IBTK: variants seen among roughly 807,000 people sequenced by gnomAD.
IBTK encodes the protein BTK-binding protein.
Under a neutral mutation model 154.9 loss-of-function variants are expected in IBTK, and 83 were observed. The ratio of observed to expected loss-of-function variants is 0.54; its 90% CI spans 0.45 to 0.64. The LOEUF (loss-of-function observed/expected upper bound fraction) is 0.64, where lower values mean the gene tolerates loss of function less well. Ranked by LOEUF, IBTK falls within the 30% of genes least tolerant of loss-of-function variation. The pLI is 0.00. For synonymous variants in IBTK, 515 were observed against 536.1 expected, an observed-to-expected ratio of 0.96 and a Z score of 0.54; for missense variants, 1,332 against 1,584.6, an observed-to-expected ratio of 0.84 and a Z score of 2.71.
At chr6:82,196,507 C>A (rs972838190) in intron 21 of IBTK, 61 bp from the exon 22 acceptor site, 1 of 943,984 alleles carries the variant, frequency 1.1e-6, no homozygotes, top group Non-Finnish European at 1.5e-6. Context: ...GCATTACATT[C>A]CATGAACCAG....
At chr6:82,234,771 C>T (rs1332217841) in intron 2 of IBTK, among the ~76,000 whole-genome samples, 2 of 152,120 alleles carry the variant, frequency 1.3e-5, no homozygotes, top group Non-Finnish European at 2.9e-5. Flanking sequence ...TAAGAAAAAT[C>T]ACATATCCGA....
intron 4 of IBTK, among the ~76,000 whole-genome samples, chr6:82,228,975 T>C (rs1009596108): frequency 1.6e-4 from 25 of 152,298 alleles, no homozygotes; most frequent in Non-Finnish European, 2.6e-4. Flanking sequence ...CTTTTAATTA[T>C]CTGGAATATA....
At chr6:82,176,028 TCAAAAAAAAAAAAAGATTTTTGTTCAAAC>T (rs1768100623) in intron 26 of IBTK, among the ~76,000 whole-genome samples, 1 of 145,906 alleles carries the variant, frequency 6.9e-6, no homozygotes, top group African/African-American at 2.5e-5. Flanking sequence ...AAACTCCATC[TCAAAAAAAAAAAAAGATTTTTGTTCAAAC>T]CAAAAAACAT....
chr6:82,216,882 T>C (rs1769895767), intron 10 of IBTK, among the ~76,000 whole-genome samples: 1 of 152,128 alleles, frequency 6.6e-6, no homozygotes, highest in Non-Finnish European at 1.5e-5. Flanking sequence ...GTAAAGGATA[T>C]AGTGCTTCCA....
chr6:82,214,232 A>G lies in IBTK; in HGVS notation c.2199T>C (p.Ser733=). The part of the protein sequence containing the change: ...VAKKFDFSNL[S]SRLDGVRFEN... ...ATATAAAAGAGAAATCATACCTACT[A>G]CTCAAATTACTGAAGTCGAATTTCT... Residue 733 remains serine, a synonymous_variant, in exon 12 of 29, where the codon AGT becomes AGC. Coordinates refer to ENST00000306270, the MANE Select transcript of IBTK (RefSeq NM_015525.4). The G allele has an allele frequency of 6.2e-7, 1 of 1,609,120 alleles. No individual in the cohort carries two copies. Among genetic ancestry groups the G allele is most frequent in the Non-Finnish European group, 8.5e-7 (1 of 1,178,284 alleles).
chr6:82,240,133 T>G, intron 2 of IBTK, 33 bp downstream of exon 2: 1 of 1,533,812 alleles, frequency 6.5e-7, no homozygotes, highest in East Asian at 2.3e-5. Context: ...TATTCCAGAC[T>G]AAATACGTTT....
chr6:82,208,899 C>A (rs1474122921), intron 16 of IBTK, among the ~76,000 whole-genome samples: 1 of 151,506 alleles, frequency 6.6e-6, no homozygotes, highest in African/African-American at 2.4e-5. Context: ...TATAAAAAAA[C>A]AAATAATTGA....
intron 26 of IBTK, among the ~76,000 whole-genome samples, chr6:82,175,851 G>T (rs965481988): frequency 2.0e-5 from 3 of 151,660 alleles, no homozygotes; most frequent in African/African-American, 7.3e-5. Context: ...CCAACATGGA[G>T]AAATCCCATC....
At chr6:82,221,033 A>G (rs1168585122) in intron 8 of IBTK, among the ~76,000 whole-genome samples, 1 of 151,606 alleles carries the variant, frequency 6.6e-6, no homozygotes, top group Admixed American at 6.6e-5. Context: ...TGGAGTTTAA[A>G]TAACTGGTAT....
chr6:82,187,608 C>T (rs888522228), intron 25 of IBTK, among the ~76,000 whole-genome samples: 9 of 139,518 alleles, frequency 6.5e-5, no homozygotes, highest in Non-Finnish European at 9.9e-5. Context: ...CTGATGTCGC[C>T]GAGTGGACAA....
intron 16 of IBTK, chr6:82,210,327 CTT>C (rs58576687): frequency 3.4e-4 from 48 of 139,714 alleles, no homozygotes; most frequent in Non-Finnish European, 4.4e-4. Flanking sequence ...CCTACAATTC[CTT>C]TTTTTTTTTT....
chr6:82,184,537 C>T (rs983494024), intron 25 of IBTK, among the ~76,000 whole-genome samples: 1 of 152,186 alleles, frequency 6.6e-6, no homozygotes, highest in African/African-American at 2.4e-5. Context: ...AAATCCCATA[C>T]ATACTTAGTG....
At position 82,201,918 on chromosome 6, in the gene IBTK, G is replaced by T. The variant is rs779512693; in HGVS notation, c.2730-436C>A. Among the ~76,000 whole-genome samples the T allele has an allele frequency of 1.4e-4, 22 of 151,932 alleles. 1 individual carries two copies. Among genetic ancestry groups the T allele is most frequent in the Non-Finnish European group, 2.5e-4 (17 of 68,004 alleles). On this transcript the variant is annotated intron_variant, in intron 18 of 28. Transcript: ENST00000306270. ...TTTTTGTATTTTTATTAGAGATAGG[G>T]TTTCACCATCTTGGCCAGGCCGGTC...
In IBTK at chr6:82,212,698, C is replaced by T; in HGVS notation, c.2291+9G>A. The stretch of plus-strand genomic sequence containing the variant: ...GACATGAAATGTTAATCTTCCTTTC[C>T]TTACTTACCATTTTTTCTGACTTAG... On this transcript the variant is annotated intron_variant, in intron 13 of 28. Coordinates refer to ENST00000306270, the MANE Select transcript of IBTK (RefSeq NM_015525.4). 6.5e-7 allele frequency: 1 copy of T among 1,530,776 alleles called. No homozygotes were observed. Among genetic ancestry groups the T allele is most frequent in the South Asian group, 1.1e-5 (1 of 89,284 alleles). The allele number at this position is 1,530,776 out of a possible 1,614,324, so 94.8% of individuals were successfully genotyped here.
chr6:82,240,074 A>G, intron 2 of IBTK, 92 bp downstream of exon 2: 1 of 1,088,938 alleles, frequency 9.2e-7, no homozygotes, highest in South Asian at 1.6e-5. Flanking sequence ...AAAAATGCAA[A>G]TATTTTCCAA....
intron 1 of IBTK, among the ~76,000 whole-genome samples, chr6:82,246,063 T>C (rs1582269345): frequency 6.6e-6 from 1 of 152,188 alleles, no homozygotes; most frequent in South Asian, 2.1e-4. Context: ...AGGAGATTCA[T>C]GTGAAAGTTT....
chr6:82,240,946 C>G, intron 1 of IBTK, 103 bp from the exon 2 acceptor site: 1 of 397,116 alleles, frequency 2.5e-6, no homozygotes, highest in Non-Finnish European at 4.4e-6. Flanking sequence ...GCCCTTAACC[C>G]ATTTATGCTT....
intron 7 of IBTK, among the ~76,000 whole-genome samples, 192 bp downstream of exon 7, chr6:82,223,875 AG>A: frequency 6.6e-6 from 1 of 152,188 alleles, no homozygotes; most frequent in East Asian, 1.9e-4. Flanking sequence ...GTTTGAGCCC[AG>A]GAAGTCAAGG....
At position 82,240,359 on chromosome 6, in the gene IBTK, T is replaced by C. The variant is rs371134107; in HGVS notation, c.128A>G (p.Asn43Ser). 4 of 1,614,088 alleles carry C rather than the reference T, an allele frequency of 2.5e-6. No individual in the cohort carries two copies. Among genetic ancestry groups the C allele is most frequent in the Admixed American group, 1.7e-5 (1 of 60,008 alleles). The change falls in exon 2 of 29, where the codon AAT (asparagine) becomes AGT (serine). Residue 43 changes from asparagine to serine, a missense_variant. Around this residue, in one of 3 missense-constraint regions of IBTK, gnomAD observed 84 missense variants for 96.2 expected, o/e 0.87. Transcript: ENST00000306270. The part of the protein sequence containing the change: ...IKAFLSSHCY[N>S]AATIKDVFGR... ...AAAAACATCCTTGATAGTTGCAGCATTGTAACAATGACTGGAGAGAAAGGC... is the reference window on the plus strand; with the variant it reads ...AAAAACATCCTTGATAGTTGCAGCACTGTAACAATGACTGGAGAGAAAGGC...
Sources: gnomAD v4.1 joint callset for allele counts (sites outside exome capture counted in the v4.1 genomes callset) on GRCh38, gnomAD v4.1.1 for gene constraint, gnomAD v4.1.1 regional missense constraint, MANE v1.5 for transcripts, NCBI Gene and HGNC (gene_info 2026-07-23, HGNC 2026-07-21) for gene names.